The following CNKSR3 variants were observed in gnomAD, a reference collection of about 807,000 sequenced individuals.
CNKSR3 encodes the protein connector enhancer of kinase suppressor of ras 3.
Under a neutral mutation model 67.7 loss-of-function variants are expected in CNKSR3, and 36 were observed. The observed-to-expected ratio is 0.53, with a 90% confidence interval of 0.41 to 0.70. The LOEUF (loss-of-function observed/expected upper bound fraction) is 0.70. Among genes scored for constraint, CNKSR3 ranks in the 30% least tolerant of loss-of-function variants. The pLI is 0.00. For synonymous variants in CNKSR3, 281 were observed against 271.4 expected (o/e 1.04, Z -0.35); for missense variants, 630 against 695.2 (o/e 0.91, Z 1.05).
intron 5 of CNKSR3, among the ~76,000 whole-genome samples, chr6:154,432,563 T>C (rs1785391611): frequency 6.6e-6 from 1 of 152,258 alleles, no homozygotes; most frequent in Non-Finnish European, 1.5e-5. Context: ...AATTATGCTT[T>C]TGGTGTTCTA....
At chr6:154,498,549 C>T (rs1173430943) in intron 1 of CNKSR3, among the ~76,000 whole-genome samples, 2 of 152,176 alleles carry the variant, frequency 1.3e-5, no homozygotes, top group African/African-American at 4.8e-5. Flanking sequence ...CCTACTGTCA[C>T]GCCCCCACAC....
intron 1 of CNKSR3, among the ~76,000 whole-genome samples, chr6:154,504,345 A>G (rs1479957966): frequency 1.3e-5 from 2 of 152,224 alleles, no homozygotes; most frequent in African/African-American, 2.4e-5. Flanking sequence ...CCCCTGGATG[A>G]TAAGAATACA....
At chr6:154,410,312 C>G in intron 12 of CNKSR3, 31 bp downstream of exon 12, 1 of 1,538,096 alleles carries the variant, frequency 6.5e-7, no homozygotes, top group Non-Finnish European at 9.0e-7. Context: ...TCCCCATTTG[C>G]TGTTCCTTGG....
At chr6:154,502,562 G>A (rs1224913813) in intron 1 of CNKSR3, among the ~76,000 whole-genome samples, 1 of 152,054 alleles carries the variant, frequency 6.6e-6, no homozygotes, top group Admixed American at 6.6e-5. Flanking sequence ...ACCAGGGACG[G>A]GACAGGACCA....
chr6:154,490,598 T>C (rs556855232), intron 1 of CNKSR3, among the ~76,000 whole-genome samples: 1 of 152,316 alleles, frequency 6.6e-6, no homozygotes, highest in African/African-American at 2.4e-5. Flanking sequence ...AAGATCTTCA[T>C]TCTTTCCTTG....
intron 1 of CNKSR3, among the ~76,000 whole-genome samples, chr6:154,476,182 C>T (rs567475950): frequency 6.6e-6 from 1 of 152,108 alleles, no homozygotes; most frequent in East Asian, 1.9e-4. Context: ...TCGGGCCGGG[C>T]GCGGTGGCTC....
Position 154,510,183 on chromosome 6 carries a change from C to T in CNKSR3, c.-69G>A, listed in dbSNP as rs926299559. The T allele has an allele frequency of 5.0e-6, 8 of 1,590,368 alleles. No homozygotes were observed. Among genetic ancestry groups the T allele is most frequent in the Non-Finnish European group, 6.9e-6 (8 of 1,160,442 alleles). On this transcript the variant is annotated 5_prime_UTR_variant, in exon 1 of 13. Transcript: ENST00000607772. ...AAGTGCTGCTGCCTGCGCTCCGGTGCCCCTTCCCGGGAGGGCGCGCCCGCG... is the reference window on the plus strand; with the variant it reads ...AAGTGCTGCTGCCTGCGCTCCGGTGTCCCTTCCCGGGAGGGCGCGCCCGCG...
At chr6:154,508,259 CTAACG>C (rs1300020772) in intron 1 of CNKSR3, among the ~76,000 whole-genome samples, 1 of 152,102 alleles carries the variant, frequency 6.6e-6, no homozygotes, top group African/African-American at 2.4e-5. Flanking sequence ...TTTATTTAAC[CTAACG>C]TATCAAAATA....
intron 1 of CNKSR3, among the ~76,000 whole-genome samples, chr6:154,476,335 T>C (rs573116903): frequency 6.6e-6 from 1 of 151,848 alleles, no homozygotes; most frequent in South Asian, 2.1e-4. Context: ...CAGGTGCCTG[T>C]AACCCCAGCT....
chr6:154,509,474 C>T (rs1040751345), intron 1 of CNKSR3, among the ~76,000 whole-genome samples: 3 of 152,026 alleles, frequency 2.0e-5, no homozygotes, highest in Non-Finnish European at 4.4e-5. Context: ...CACTGCCTCC[C>T]GGGGAGTCCT....
intron 1 of CNKSR3, among the ~76,000 whole-genome samples, chr6:154,473,867 C>T (rs1339112770): frequency 2.6e-5 from 4 of 151,744 alleles, no homozygotes; most frequent in Non-Finnish European, 5.9e-5. Flanking sequence ...TCACTGCAAC[C>T]TCCGACTCCC....
intron 1 of CNKSR3, among the ~76,000 whole-genome samples, chr6:154,490,079 T>G (rs1170858446): frequency 6.6e-6 from 1 of 152,136 alleles, no homozygotes; most frequent in African/African-American, 2.4e-5. Flanking sequence ...CAGGTCAATG[T>G]GTTAGTAGTT....
intron 1 of CNKSR3, among the ~76,000 whole-genome samples, chr6:154,502,253 A>G (rs1787013259): frequency 6.6e-6 from 1 of 150,698 alleles, no homozygotes; most frequent in African/African-American, 2.4e-5. Context: ...GTGCAGTGGC[A>G]CGATCTCAGC....
chr6:154,409,601 C>A (rs901551070), intron 12 of CNKSR3, among the ~76,000 whole-genome samples: 4 of 152,110 alleles, frequency 2.6e-5, no homozygotes, highest in Non-Finnish European at 5.9e-5. Context: ...GTCTGTAACA[C>A]CAGCTATTCA....
chr6:154,402,149 C>G lies in CNKSR3; in HGVS notation c.*4205G>C, dbSNP rs1261442767. The stretch of plus-strand genomic sequence containing the variant: ...TGAAAGAGATGGTACCCTCCCCCAC[C>G]TCCGCCCAAGAGGCAGTTCTGGAAA... On this transcript the variant is annotated 3_prime_UTR_variant, in exon 13 of 13. Transcript: ENST00000607772. 1 of 152,172 alleles carries G rather than the reference C, an allele frequency of 6.6e-6. No individual in the cohort carries two copies. The highest frequency in any genetic ancestry group is 2.4e-5 in the African/African-American group (1 of 41,424). The allele number at this position is 152,172 out of a possible 1,614,324, so 9.4% of individuals were successfully genotyped here.
At position 154,399,617 on chromosome 6, in the gene CNKSR3, G is replaced by A. The variant is rs779172169; in HGVS notation, c.*6737C>T. 6 of 151,938 alleles carry A rather than the reference G, an allele frequency of 3.9e-5. No homozygotes were observed. The highest frequency in any genetic ancestry group is 1.9e-4 in the East Asian group (1 of 5,170). The allele number at this position is 151,938 out of a possible 1,614,324, so 9.4% of individuals were successfully genotyped here. ...CCAAAAGTCAAAGGCTTCTAAATTC[G>A]CGCTAATTCCTCAAATCCCTCCTCT... On this transcript the variant is annotated 3_prime_UTR_variant, in exon 13 of 13. Coordinates refer to ENST00000607772, the MANE Select transcript of CNKSR3 (RefSeq NM_173515.4).
At chr6:154,457,478 G>A (rs1785983229) in intron 1 of CNKSR3, among the ~76,000 whole-genome samples, 1 of 152,168 alleles carries the variant, frequency 6.6e-6, no homozygotes, top group Non-Finnish European at 1.5e-5. Flanking sequence ...CCAGCACTTT[G>A]GGAGGCCAAG....
chr6:154,472,511 G>A (rs6557360), intron 1 of CNKSR3, among the ~76,000 whole-genome samples: 31,721 of 151,674 alleles, frequency 0.21, 4,237 homozygotes, highest in African/African-American at 0.38. Flanking sequence ...CCCTTATTTC[G>A]TATCTCGGGA....
chr6:154,443,221 G>A (rs903375001), intron 2 of CNKSR3, among the ~76,000 whole-genome samples: 20 of 152,028 alleles, frequency 1.3e-4, no homozygotes, highest in African/African-American at 4.3e-4. Flanking sequence ...TATCACTCAG[G>A]TGCTGGCCCA....
Sources: allele counts gnomAD v4.1 joint callset (sites outside exome capture counted in the v4.1 genomes callset), GRCh38; gene constraint gnomAD v4.1.1; transcripts MANE v1.5; gene names NCBI Gene and HGNC (gene_info 2026-07-23, HGNC 2026-07-21).